Variants in ARL4A observed in about 807,000 individuals in gnomAD.
ARL4A encodes the protein ADP-ribosylation factor-like protein 4A.
In ARL4A, 5 loss-of-function variants were observed where a neutral mutation model predicts 13.9. That is an observed-to-expected ratio of 0.36 (90% CI 0.19 to 0.75). ARL4A has a LOEUF of 0.75. Ranked by LOEUF, ARL4A falls within the 30% of genes least tolerant of loss-of-function variation. The probability of loss-of-function intolerance (pLI) is 0.53; values close to 1 mark genes in which losing one functional copy is unlikely to be tolerated. For synonymous variants in ARL4A, 77 were observed against 84.4 expected, an observed-to-expected ratio of 0.91 and a Z score of 0.48; for missense variants, 147 against 225.8, an observed-to-expected ratio of 0.65 and a Z score of 2.24.
chr7:12,688,899 G>C lies in ARL4A; in HGVS notation c.*42G>C, dbSNP rs1418210243. 8 of 1,538,752 alleles carry C rather than the reference G, an allele frequency of 5.2e-6. No individual in the cohort carries two copies. Among genetic ancestry groups the C allele is most frequent in the Non-Finnish European group, 7.0e-6 (8 of 1,143,626 alleles). ...TATCTGTGTGGAGTAGGTTTTCTCTGGTCTGATTTTGACAAATAGAAGAGT... is the reference window on the plus strand; with the variant it reads ...TATCTGTGTGGAGTAGGTTTTCTCTCGTCTGATTTTGACAAATAGAAGAGT... On this transcript the variant is annotated 3_prime_UTR_variant, in exon 2 of 2. Coordinates refer to ENST00000651779, the MANE Select transcript of ARL4A (RefSeq NM_005738.5). The surrounding 1 kb of genome is among the most constrained non-coding windows in gnomAD (Gnocchi z 5.2).
At chr7:12,687,469 C>T (rs558928616), upstream of ARL4A, 3 of 152,664 alleles carry the variant, frequency 2.0e-5, no homozygotes, top group Admixed American at 6.5e-5. The surrounding 1 kb of genome is among the most constrained non-coding windows in gnomAD (Gnocchi z 5.6). Context: ...AGCTCAGCTC[C>T]GCCGCGCTGG....
rs1784557401 is a variant in ARL4A, at chr7:12,688,218, A to G, written c.-37A>G. 1 of 1,529,578 alleles carries G rather than the reference A, an allele frequency of 6.5e-7. No individual in the cohort carries two copies. Among genetic ancestry groups the G allele is most frequent in the Non-Finnish European group, 8.8e-7 (1 of 1,140,726 alleles). The allele number at this position is 1,529,578 out of a possible 1,614,324, so 94.8% of individuals were successfully genotyped here. A position where few individuals can be genotyped will look rare whatever the true frequency, so the allele number is the denominator to read the frequency against. Reference sequence around the variant, plus strand: ...GAGAAGTTGTAAACCAAGAAGAGAAAAGCATTTCAATTTGGGACATTTATT... The same window carrying G: ...GAGAAGTTGTAAACCAAGAAGAGAAGAGCATTTCAATTTGGGACATTTATT... On this transcript the variant is annotated 5_prime_UTR_variant, in exon 2 of 2. Transcript: ENST00000651779. This position sits in a 1 kb window ranked among gnomAD's most constrained non-coding sequence, Gnocchi z 5.2.
chr7:12,690,125 C>A lies in ARL4A; in HGVS notation c.*1268C>A, dbSNP rs929480079. 7 of 167,054 alleles carry A rather than the reference C, an allele frequency of 4.2e-5. No homozygotes were observed. Among genetic ancestry groups the A allele is most frequent in the African/African-American group, 1.4e-4 (6 of 41,546 alleles). The allele number at this position is 167,054 out of a possible 1,614,324, so 10.3% of individuals were successfully genotyped here. A position where few individuals can be genotyped will look rare whatever the true frequency, so the allele number is the denominator to read the frequency against. On this transcript the variant is annotated 3_prime_UTR_variant, in exon 2 of 2. Transcript: ENST00000651779. ...GCTGTTTACATTGGAATAAAAAGCT[C>A]TATAAGGAGGAAAGGCCTTTATCTA... is the stretch of plus-strand genomic sequence containing the variant.
chr7:12,688,043 C>G lies in ARL4A; in HGVS notation c.-89-123C>G. 1 of 564,264 alleles carries G rather than the reference C, an allele frequency of 1.8e-6. No individual in the cohort carries two copies. Among genetic ancestry groups the G allele is most frequent in the Non-Finnish European group, 3.0e-6 (1 of 338,196 alleles). The allele number at this position is 564,264 out of a possible 1,614,324, so 35.0% of individuals were successfully genotyped here. On this transcript the variant is annotated intron_variant, in intron 1 of 1. Coordinates refer to ENST00000651779, the MANE Select transcript of ARL4A (RefSeq NM_005738.5). The surrounding 1 kb of genome is among the most constrained non-coding windows in gnomAD (Gnocchi z 5.2). ...TTTTCATGTACGTTTCATATCTCGT[C>G]TGGTTTGTTTAGCGCAGCAAGTTAT...
In ARL4A at chr7:12,690,210, T is replaced by A. The variant is rs1323104163; in HGVS notation, c.*1353T>A. ...TATTTTACTAAATCAGCTTATTTTT[T>A]ATGTCTAAAGCAACAGCTGTTCTGA... On this transcript the variant is annotated 3_prime_UTR_variant, in exon 2 of 2. Transcript: ENST00000651779. 2 of 167,062 alleles carry A rather than the reference T, an allele frequency of 1.2e-5. No individual in the cohort carries two copies. The allele number at this position is 167,062 out of a possible 1,614,324, so 10.3% of individuals were successfully genotyped here.
Position 12,688,181 on chromosome 7 carries a change from A to C in ARL4A, c.-74A>C, listed in dbSNP as rs1216379494. The C allele has an allele frequency of 1.3e-6, 2 of 1,507,544 alleles. No individual in the cohort carries two copies. Among genetic ancestry groups the C allele is most frequent in the African/African-American group, 2.8e-5 (2 of 71,472 alleles). 93.4% of individuals were successfully genotyped at this position (1,507,544 alleles called of 1,614,324 possible). A position where few individuals can be genotyped will look rare whatever the true frequency, so the allele number is the denominator to read the frequency against. ...CGTCTCCCAGCAGTCTTATAGCTGG[A>C]TCAGCTACCAAGAGAAGTTGTAAAC... On this transcript the variant is annotated 5_prime_UTR_variant, in exon 2 of 2. Transcript: ENST00000651779. The surrounding 1 kb of genome is among the most constrained non-coding windows in gnomAD (Gnocchi z 5.2).
chr7:12,688,009 C>T lies in ARL4A; in HGVS notation c.-89-157C>T, dbSNP rs35044018. ...CTGTTATTCCATCGTTTGTCTTGGA[C>T]TGTGTGTGTTTTCATGTACGTTTCA... On this transcript the variant is annotated intron_variant, in intron 1 of 1. Transcript: ENST00000651779. The surrounding 1 kb of genome is among the most constrained non-coding windows in gnomAD (Gnocchi z 5.2). 0.036 allele frequency among the ~76,000 whole-genome samples: 5,458 copies of T among 152,266 alleles called. 155 individuals are homozygous for T. Among genetic ancestry groups the T allele is most frequent in the Non-Finnish European group, 0.058 (3,951 of 68,020 alleles).
In ARL4A at chr7:12,688,280, C is replaced by G; in HGVS notation, c.26C>G (p.Thr9Ser). The G allele has an allele frequency of 6.2e-7, 1 of 1,607,828 alleles. No homozygotes were observed. The change falls in exon 2 of 2, where the codon ACT becomes AGT. Residue 9 changes from threonine (T) to serine (S), a missense_variant. Coordinates refer to ENST00000651779, the MANE Select transcript of ARL4A (RefSeq NM_005738.5). The surrounding 1 kb of genome is among the most constrained non-coding windows in gnomAD (Gnocchi z 5.2). ...ATGGGGAATGGGCTGTCAGACCAGACTTCTATCCTGTCCAACCTGCCTTCA... is the reference window on the plus strand; with the variant it reads ...ATGGGGAATGGGCTGTCAGACCAGAGTTCTATCCTGTCCAACCTGCCTTCA... MGNGLSDQ[T>S]SILSNLPSFQ...
Position 12,688,230 on chromosome 7 carries a change from T to G in ARL4A, c.-25T>G. 6.5e-7 allele frequency: 1 copy of G among 1,535,638 alleles called. No homozygotes were observed. Among genetic ancestry groups the G allele is most frequent in the Non-Finnish European group, 8.7e-7 (1 of 1,143,694 alleles). ...ACCAAGAAGAGAAAAGCATTTCAAT[T>G]TGGGACATTTATTTGCACCTGGAAA... is the stretch of plus-strand genomic sequence containing the variant. On this transcript the variant is annotated 5_prime_UTR_variant, in exon 2 of 2. The change creates a new upstream start codon in the 5' untranslated region. Transcript: ENST00000651779. The surrounding 1 kb of genome is among the most constrained non-coding windows in gnomAD (Gnocchi z 5.2).
Position 12,687,941 on chromosome 7 carries a change from G to T in ARL4A, c.-90+213G>T, listed in dbSNP as rs965022983. Among the ~76,000 whole-genome samples the T allele has an allele frequency of 1.3e-5, 2 of 152,148 alleles. No individual in the cohort carries two copies. The highest frequency in any genetic ancestry group is 2.4e-5 in the African/African-American group (1 of 41,426). On this transcript the variant is annotated intron_variant, in intron 1 of 1. Coordinates refer to ENST00000651779, the MANE Select transcript of ARL4A (RefSeq NM_005738.5). This position sits in a 1 kb window ranked among gnomAD's most constrained non-coding sequence, Gnocchi z 5.6. ...AGGTTTGGGGACCCAGGAGAAAAAC[G>T]TACATATTACTGCAATTTAAGTAAA...
chr7:12,690,466 C>G lies in ARL4A; in HGVS notation c.*1609C>G, dbSNP rs1031709703. ...AATGTGGATAATAACTACCAATAAA[C>G]TACTTGAGGCACTAGGAGAACAGTA... On this transcript the variant is annotated 3_prime_UTR_variant, in exon 2 of 2. Coordinates refer to ENST00000651779, the MANE Select transcript of ARL4A (RefSeq NM_005738.5). 10 of 166,806 alleles carry G rather than the reference C, an allele frequency of 6.0e-5. No homozygotes were observed. Among genetic ancestry groups the G allele is most frequent in the African/African-American group, 2.4e-4 (10 of 41,406 alleles). 10.3% of individuals were successfully genotyped at this position (166,806 alleles called of 1,614,324 possible). A position where few individuals can be genotyped will look rare whatever the true frequency, so the allele number is the denominator to read the frequency against.
chr7:12,688,131 C>A lies in ARL4A; in HGVS notation c.-89-35C>A. 3.6e-6 allele frequency: 5 copies of A among 1,373,592 alleles called. No individual in the cohort carries two copies. Among genetic ancestry groups the A allele is most frequent in the Non-Finnish European group, 3.9e-6 (4 of 1,013,296 alleles). The allele number at this position is 1,373,592 out of a possible 1,614,324, so 85.1% of individuals were successfully genotyped here. On this transcript the variant is annotated intron_variant, in intron 1 of 1. Coordinates refer to ENST00000651779, the MANE Select transcript of ARL4A (RefSeq NM_005738.5). The surrounding 1 kb of genome is among the most constrained non-coding windows in gnomAD (Gnocchi z 5.2). ...GCAAACCTGTTTTAATGTATTATTTCGGGAGAATAACTTATTCCTTCTTCC... is the reference window on the plus strand; with the variant it reads ...GCAAACCTGTTTTAATGTATTATTTAGGGAGAATAACTTATTCCTTCTTCC...
chr7:12,688,284 T>C lies in ARL4A; in HGVS notation c.30T>C (p.Ser10=), dbSNP rs150387436. Residue 10 remains serine, a synonymous_variant, in exon 2 of 2, where the codon TCT becomes TCC. Transcript: ENST00000651779. The surrounding 1 kb of genome is among the most constrained non-coding windows in gnomAD (Gnocchi z 5.2). ...GGAATGGGCTGTCAGACCAGACTTCTATCCTGTCCAACCTGCCTTCATTTC... is the reference window on the plus strand; with the variant it reads ...GGAATGGGCTGTCAGACCAGACTTCCATCCTGTCCAACCTGCCTTCATTTC... MGNGLSDQT[S]ILSNLPSFQS... is the part of the protein sequence containing the mutation. 2,248 of 1,609,296 alleles carry C rather than the reference T, an allele frequency of 1.4e-3. 14 individuals are homozygous for C. The highest frequency in any genetic ancestry group is 9.6e-3 in the Middle Eastern group (58 of 6,032).
chr7:12,688,934 G>A lies in ARL4A; in HGVS notation c.*77G>A, dbSNP rs1024273724. The A allele has an allele frequency of 2.1e-6, 3 of 1,439,776 alleles. No homozygotes were observed. The highest frequency in any genetic ancestry group is 1.4e-5 in the African/African-American group (1 of 69,966). The allele number at this position is 1,439,776 out of a possible 1,614,324, so 89.2% of individuals were successfully genotyped here. Reference sequence around the variant, plus strand: ...TGACAAATAGAAGAGTGTCTACAGCGTGGTTTGCCTGTCTGCCCTCCTGGA... The same window carrying A: ...TGACAAATAGAAGAGTGTCTACAGCATGGTTTGCCTGTCTGCCCTCCTGGA... On this transcript the variant is annotated 3_prime_UTR_variant, in exon 2 of 2. Transcript: ENST00000651779. This position sits in a 1 kb window ranked among gnomAD's most constrained non-coding sequence, Gnocchi z 5.2.
upstream of ARL4A, chr7:12,687,534 C>T (rs2280634): frequency 0.23 from 35,440 of 152,730 alleles, 5,233 homozygotes; most frequent in African/African-American, 0.42. The surrounding 1 kb of genome is among the most constrained non-coding windows in gnomAD (Gnocchi z 5.6). Flanking sequence ...GCATGGCTTC[C>T]CTGATGCGGG....
chr7:12,688,053 T>C lies in ARL4A; in HGVS notation c.-89-113T>C. The C allele has an allele frequency of 1.5e-6, 1 of 652,200 alleles. No homozygotes were observed. Among genetic ancestry groups the C allele is most frequent in the East Asian group, 2.9e-5 (1 of 34,248 alleles). 40.4% of individuals were successfully genotyped at this position (652,200 alleles called of 1,614,324 possible). A position where few individuals can be genotyped will look rare whatever the true frequency, so the allele number is the denominator to read the frequency against. ...CGTTTCATATCTCGTCTGGTTTGTT[T>C]AGCGCAGCAAGTTATAGTAAGTTCT... On this transcript the variant is annotated intron_variant, in intron 1 of 1. Transcript: ENST00000651779. This position sits in a 1 kb window ranked among gnomAD's most constrained non-coding sequence, Gnocchi z 5.2.
At position 12,688,860 on chromosome 7, in the gene ARL4A, A is replaced by G; in HGVS notation, c.*3A>G. ...GGCAACAGAAAAAGAAAAGATGAAT[A>G]TCAATACCTATTATATCTGTGTGGA... On this transcript the variant is annotated 3_prime_UTR_variant, in exon 2 of 2. Transcript: ENST00000651779. This position sits in a 1 kb window ranked among gnomAD's most constrained non-coding sequence, Gnocchi z 5.2. 2 of 1,604,234 alleles carry G rather than the reference A, an allele frequency of 1.2e-6. No homozygotes were observed. The highest frequency in any genetic ancestry group is 8.5e-7 in the Non-Finnish European group (1 of 1,175,940).
At chr7:12,687,329 G>A (rs1784536683), upstream of ARL4A, 1 of 152,116 alleles carries the variant, frequency 6.6e-6, no homozygotes, top group Non-Finnish European at 1.5e-5. The surrounding 1 kb of genome is among the most constrained non-coding windows in gnomAD (Gnocchi z 5.6). Context: ...CGGGCCGAAC[G>A]GAGCCGGCAG....
rs1562655383 is a variant in ARL4A at position 12,689,518 on chromosome 7, CA to C, written c.*664del. The C allele has an allele frequency of 6.0e-6, 1 of 166,840 alleles. No homozygotes were observed. The highest frequency in any genetic ancestry group is 1.5e-5 in the Non-Finnish European group (1 of 68,140). 10.3% of individuals were successfully genotyped at this position (166,840 alleles called of 1,614,324 possible). ...CAAGTGCATGGATTAGTTTTCCTGA[CA>C]AAGCATGTTTTGGTGTGTAGTCTTA... is the stretch of plus-strand genomic sequence containing the variant. On this transcript the variant is annotated 3_prime_UTR_variant, in exon 2 of 2. Transcript: ENST00000651779.
Sources: gnomAD v4.1 joint callset for allele counts (sites outside exome capture counted in the v4.1 genomes callset) on GRCh38, gnomAD v4.1.1 for gene constraint, Gnocchi (gnomAD v3.1) non-coding constraint, MANE v1.5 for transcripts, NCBI Gene and HGNC (gene_info 2026-07-23, HGNC 2026-07-21) for gene names.